Variants in CERS3 observed in about 807,000 individuals in gnomAD.
CERS3 encodes the protein LAG1 homolog, ceramide synthase 3.
A neutral mutation model predicts 50.3 loss-of-function variants in CERS3; 33 were observed. That is an observed-to-expected ratio of 0.66 (90% CI 0.50 to 0.88). The LOEUF (loss-of-function observed/expected upper bound fraction) is 0.88, where lower values mean the gene tolerates loss of function less well. Ranked by LOEUF, CERS3 falls within the 40% of genes least tolerant of loss-of-function variation. The pLI is 0.00. For synonymous variants in CERS3, 176 were observed against 155.2 expected, an observed-to-expected ratio of 1.13 and a Z score of -0.99; for missense variants, 470 against 460.3, an observed-to-expected ratio of 1.02 and a Z score of -0.19.
upstream of CERS3, among the ~76,000 whole-genome samples, chr15:100,530,168 C>T (rs969407917): frequency 6.6e-6 from 1 of 152,250 alleles, no homozygotes; most frequent in Admixed American, 6.5e-5. Flanking sequence ...AGGCTCAGTT[C>T]AGGTCTGCCT....
At chr15:100,504,170 C>T (rs1354006221) in intron 2 of CERS3, among the ~76,000 whole-genome samples, 2 of 151,780 alleles carry the variant, frequency 1.3e-5, no homozygotes, top group Non-Finnish European at 2.9e-5. Context: ...CGGAGAAGTG[C>T]TAACCCAGTC....
At chr15:100,430,475 C>T (rs2033070623) in intron 11 of CERS3, among the ~76,000 whole-genome samples, 1 of 152,180 alleles carries the variant, frequency 6.6e-6, no homozygotes, top group South Asian at 2.1e-4. Flanking sequence ...GACATCTGTA[C>T]TACAGCTTCC....
chr15:100,411,841 G>A (rs1198487505), intron 11 of CERS3, among the ~76,000 whole-genome samples: 1 of 151,996 alleles, frequency 6.6e-6, no homozygotes, highest in African/African-American at 2.4e-5. Flanking sequence ...GTTTTGATTT[G>A]CGTTTCCCTA....
In CERS3 at chr15:100,402,123, G is replaced by C. The variant is rs1178878139; in HGVS notation, c.*590C>G. 2.0e-5 allele frequency: 3 copies of C among 152,524 alleles called. No individual in the cohort carries two copies. Among genetic ancestry groups the C allele is most frequent in the Non-Finnish European group, 4.4e-5 (3 of 68,326 alleles). The allele number at this position is 152,524 out of a possible 1,614,324, so 9.4% of individuals were successfully genotyped here. A position where few individuals can be genotyped will look rare whatever the true frequency, so the allele number is the denominator to read the frequency against. ...GTTGGTTCACGATGACCCCACGGTT[G>C]ACAGTGTGTACTTAAACTTCTGTGA... is the stretch of plus-strand genomic sequence containing the variant. On this transcript the variant is annotated 3_prime_UTR_variant, in exon 12 of 12. Coordinates refer to ENST00000679737, the MANE Select transcript of CERS3 (RefSeq NM_001378789.1).
At chr15:100,519,137 C>T (rs182811323) in intron 2 of CERS3, among the ~76,000 whole-genome samples, 100 of 149,408 alleles carry the variant, frequency 6.7e-4, no homozygotes, top group African/African-American at 2.0e-3. Flanking sequence ...CCAGCCTGGG[C>T]GACAGAGAGA....
chr15:100,511,658 T>C lies in CERS3; in HGVS notation c.-1-9808A>G, dbSNP rs550928713. Among the ~76,000 whole-genome samples the C allele has an allele frequency of 2.1e-4, 4 of 18,686 alleles. 2 individuals are homozygous for C. Among genetic ancestry groups the C allele is most frequent in the Non-Finnish European group, 8.9e-4 (4 of 4,504 alleles). The allele number at this position is 18,686 out of a possible 152,430, so 12.3% of individuals were successfully genotyped here. A position where few individuals can be genotyped will look rare whatever the true frequency, so the allele number is the denominator to read the frequency against. Reference sequence around the variant, plus strand: ...CATTGGGAGCCTGGGTTTCCATTAATGTTCTGTTACATGCCCTGGAGAGGA... The same window carrying C: ...CATTGGGAGCCTGGGTTTCCATTAACGTTCTGTTACATGCCCTGGAGAGGA... On this transcript the variant is annotated intron_variant, in intron 2 of 11. Transcript: ENST00000679737.
chr15:100,516,485 T>C (rs910684551), intron 2 of CERS3, among the ~76,000 whole-genome samples: 2 of 152,230 alleles, frequency 1.3e-5, no homozygotes, highest in African/African-American at 4.8e-5. Context: ...AGATTAGGTA[T>C]ACAGACATAC....
At chr15:100,464,378 C>T (rs1179726398) in intron 10 of CERS3, among the ~76,000 whole-genome samples, 1 of 152,194 alleles carries the variant, frequency 6.6e-6, no homozygotes, top group Non-Finnish European at 1.5e-5. Flanking sequence ...TCTCACTCCC[C>T]TTGTACTGTT....
intron 1 of CERS3, among the ~76,000 whole-genome samples, chr15:100,542,864 T>C (rs888872696): frequency 1.3e-5 from 2 of 152,210 alleles, no homozygotes; most frequent in African/African-American, 4.8e-5. Context: ...ATAATACTTA[T>C]CTATGCTATC....
intron 2 of CERS3, among the ~76,000 whole-genome samples, chr15:100,505,735 T>C (rs61317751): frequency 0.11 from 17,326 of 152,258 alleles, 1,247 homozygotes; most frequent in Admixed American, 0.21. Context: ...AGGCTGGGTG[T>C]GATGGCTCAC....
chr15:100,444,219 CA>C (rs1364285753), intron 11 of CERS3, among the ~76,000 whole-genome samples: 1 of 152,190 alleles, frequency 6.6e-6, no homozygotes, highest in Admixed American at 6.5e-5. Context: ...TCACTCTCTA[CA>C]GCTCTCATAA....
intron 9 of CERS3, among the ~76,000 whole-genome samples, chr15:100,470,785 A>G (rs1191536607): frequency 1.3e-5 from 2 of 152,226 alleles, no homozygotes; most frequent in Non-Finnish European, 2.9e-5. Context: ...AGGATCAGGA[A>G]GATGAATGAA....
chr15:100,419,648 C>T (rs1162255801), intron 11 of CERS3, among the ~76,000 whole-genome samples: 2 of 151,362 alleles, frequency 1.3e-5, no homozygotes, highest in East Asian at 3.9e-4. Flanking sequence ...AGCACCACAC[C>T]ACACCTATTC....
chr15:100,488,119 A>G (rs2035541276), intron 4 of CERS3, among the ~76,000 whole-genome samples: 1 of 152,194 alleles, frequency 6.6e-6, no homozygotes, highest in Non-Finnish European at 1.5e-5. Context: ...ATACAATCAT[A>G]AGAGAACTGT....
intron 2 of CERS3, among the ~76,000 whole-genome samples, chr15:100,503,280 T>A (rs73473867): frequency 2.5e-4 from 38 of 152,186 alleles, no homozygotes; most frequent in Non-Finnish European, 4.1e-4. Flanking sequence ...TGTGGAATGG[T>A]AGGTTACAAA....
At chr15:100,463,435 G>GAA (rs71151951) in intron 10 of CERS3, among the ~76,000 whole-genome samples, 11,770 of 92,270 alleles carry the variant, frequency 0.13, 1,046 homozygotes, top group African/African-American at 0.2. Flanking sequence ...CTCTGTCTCA[G>GAA]AAAAAAAAAA....
intron 1 of CERS3, among the ~76,000 whole-genome samples, chr15:100,542,401 C>T (rs77111372): frequency 1.7e-3 from 258 of 152,304 alleles, no homozygotes; most frequent in African/African-American, 5.9e-3. Context: ...TTCATGGTAA[C>T]AATAATGGCT....
intron 10 of CERS3, among the ~76,000 whole-genome samples, chr15:100,462,826 C>T (rs1467486144): frequency 6.6e-6 from 1 of 152,094 alleles, no homozygotes; most frequent in African/African-American, 2.4e-5. Context: ...GAGCTGGATC[C>T]CCACACAGTC....
intron 11 of CERS3, among the ~76,000 whole-genome samples, chr15:100,430,083 T>C (rs1427509804): frequency 1.3e-5 from 2 of 151,538 alleles, no homozygotes; most frequent in African/African-American, 2.4e-5. Context: ...GAGGCAGAGG[T>C]GGGCGGATCA....
Sources: allele counts gnomAD v4.1 joint callset (sites outside exome capture counted in the v4.1 genomes callset), GRCh38; gene constraint gnomAD v4.1.1; transcripts MANE v1.5; gene names NCBI Gene and HGNC (gene_info 2026-07-23, HGNC 2026-07-21).